Variants in EPHB1 observed in about 807,000 individuals in gnomAD.
EPHB1 encodes ephrin type-B receptor 1.
EPHB1 carries 30 observed loss-of-function variants against 94.4 expected under a neutral mutation model. The observed-to-expected ratio is 0.32, with a 90% CI of 0.24 to 0.43. The LOEUF (loss-of-function observed/expected upper bound fraction) is 0.43, where lower values mean the gene tolerates loss of function less well. EPHB1 is among the 20% of genes least tolerant of loss of function. The pLI is 1.00. For synonymous variants in EPHB1, 522 were observed against 489.1 expected (o/e 1.07, Z -0.89); for missense variants, 1,055 against 1,308.3 (o/e 0.81, Z 2.99).
chr3:134,925,560 C>T (rs933794598), intron 1 of EPHB1, among the ~76,000 whole-genome samples: 2 of 152,024 alleles, frequency 1.3e-5, no homozygotes, highest in African/African-American at 2.4e-5. Context: ...TTGGGGTCAC[C>T]GGGGAGAGAG....
At chr3:135,190,739 G>A (rs967251660) in intron 10 of EPHB1, among the ~76,000 whole-genome samples, 3 of 152,162 alleles carry the variant, frequency 2.0e-5, no homozygotes, top group African/African-American at 7.2e-5. Flanking sequence ...TCTGGATAAA[G>A]CAGAGATAAG....
intron 12 of EPHB1, among the ~76,000 whole-genome samples, chr3:135,205,542 T>C (rs1160733814): frequency 6.6e-6 from 1 of 152,248 alleles, no homozygotes; most frequent in African/African-American, 2.4e-5. Context: ...TGGGCTATTT[T>C]ATTGGGAAGG....
intron 3 of EPHB1, among the ~76,000 whole-genome samples, chr3:134,962,439 T>C (rs1933556707): frequency 6.6e-6 from 1 of 152,198 alleles, no homozygotes; most frequent in Non-Finnish European, 1.5e-5. Context: ...CTCCCACCGA[T>C]TTTGGCACTT....
chr3:134,995,188 T>C (rs928981594), intron 3 of EPHB1, among the ~76,000 whole-genome samples: 1 of 152,216 alleles, frequency 6.6e-6, no homozygotes, highest in Non-Finnish European at 1.5e-5. Context: ...TTGATCTCTA[T>C]AATTTTGTCA....
At chr3:134,865,452 A>G (rs1485098126) in intron 1 of EPHB1, among the ~76,000 whole-genome samples, 3 of 152,200 alleles carry the variant, frequency 2.0e-5, no homozygotes, top group Non-Finnish European at 1.5e-5. Flanking sequence ...TTACAAATAC[A>G]TATACCCGTT....
At chr3:134,929,448 A>T (rs970468172) in intron 2 of EPHB1, among the ~76,000 whole-genome samples, 1 of 152,172 alleles carries the variant, frequency 6.6e-6, no homozygotes, top group African/African-American at 2.4e-5. Flanking sequence ...ACGGGTGAGG[A>T]TCCTGATCTA....
chr3:135,192,717 T>G lies in EPHB1; in HGVS notation c.2024T>G (p.Phe675Cys). Residue 675 changes from phenylalanine to cysteine, a missense_variant, in exon 11 of 16, where the codon TTC becomes TGC. Physicochemically the swap from Phe to Cys is radical, Grantham distance 205. Coordinates refer to ENST00000398015, the MANE Select transcript of EPHB1 (RefSeq NM_004441.5). ...FLSEASIMGQ[F>C]DHPNIIRLEG... ...AGTGAGGCGAGCATCATGGGCCAGT[T>G]CGACCATCCTAACATCATTCGCCTG... The G allele has an allele frequency of 1.2e-6, 2 of 1,614,084 alleles. No homozygotes were observed. The highest frequency in any genetic ancestry group is 1.7e-6 in the Non-Finnish European group (2 of 1,180,014).
At chr3:134,837,546 C>T (rs2036694456) in intron 1 of EPHB1, among the ~76,000 whole-genome samples, 1 of 152,160 alleles carries the variant, frequency 6.6e-6, no homozygotes. Flanking sequence ...GGGGCAACTA[C>T]ACCTTGTTGG....
chr3:135,224,585 C>T (rs1943350683), intron 12 of EPHB1, among the ~76,000 whole-genome samples: 1 of 152,176 alleles, frequency 6.6e-6, no homozygotes, highest in South Asian at 2.1e-4. Context: ...TAGCAATCTA[C>T]AGGAAAATAA....
At chr3:134,817,779 T>A (rs1409590120) in intron 1 of EPHB1, among the ~76,000 whole-genome samples, 1 of 152,214 alleles carries the variant, frequency 6.6e-6, no homozygotes, top group Non-Finnish European at 1.5e-5. Flanking sequence ...GTTCTTATAA[T>A]GGTGGTTACG....
At chr3:135,202,575 T>C (rs919254986) in intron 12 of EPHB1, among the ~76,000 whole-genome samples, 7 of 152,208 alleles carry the variant, frequency 4.6e-5, no homozygotes, top group African/African-American at 1.4e-4. Context: ...GCACCCAAAG[T>C]GACTGATCTA....
chr3:134,945,630 A>G (rs1228012815), intron 2 of EPHB1, among the ~76,000 whole-genome samples: 1 of 152,194 alleles, frequency 6.6e-6, no homozygotes, highest in Non-Finnish European at 1.5e-5. Context: ...CCTTCTTACC[A>G]AGACTTGACA....
At chr3:135,178,223 GA>G (rs1396039179) in intron 9 of EPHB1, among the ~76,000 whole-genome samples, 3 of 124,080 alleles carry the variant, frequency 2.4e-5, no homozygotes, top group Non-Finnish European at 3.5e-5. Flanking sequence ...GGAGGCCGGG[GA>G]GGGGGGGTGG....
intron 3 of EPHB1, among the ~76,000 whole-genome samples, chr3:135,014,730 G>C (rs1458683997): frequency 6.6e-6 from 1 of 152,190 alleles, no homozygotes; most frequent in African/African-American, 2.4e-5. Context: ...CCTGATGAGA[G>C]CATGTGTCAT....
At chr3:135,051,022 CCCAA>C in intron 3 of EPHB1, among the ~76,000 whole-genome samples, 1 of 152,178 alleles carries the variant, frequency 6.6e-6, no homozygotes, top group South Asian at 2.1e-4. Context: ...GAGAGGGGCA[CCCAA>C]GTGGGTCTTC....
intron 3 of EPHB1, among the ~76,000 whole-genome samples, chr3:135,007,403 G>A (rs1227333092): frequency 6.6e-6 from 1 of 152,148 alleles, no homozygotes; most frequent in Non-Finnish European, 1.5e-5. Flanking sequence ...GTAGTTCTTA[G>A]GCCAATTACC....
intron 11 of EPHB1, among the ~76,000 whole-genome samples, chr3:135,199,284 G>T (rs1227737054): frequency 6.6e-6 from 1 of 152,128 alleles, no homozygotes; most frequent in Non-Finnish European, 1.5e-5. Context: ...TATAGAAATT[G>T]CATGACAACT....
chr3:134,951,859 A>G lies in EPHB1; in HGVS notation c.612A>G (p.Ala204=), dbSNP rs531123008. The part of the protein sequence containing the change: ...KKCPSIVQNF[A]VFPETMTGAE... ...GTCCCAGCATTGTGCAAAATTTTGC[A>G]GTGTTTCCAGAGACTATGACAGGGG... is the stretch of plus-strand genomic sequence containing the variant. The change falls in exon 3 of 16, where the codon GCA becomes GCG. Residue 204 remains alanine (A), a synonymous_variant. Transcript: ENST00000398015. This position sits in a 1 kb window ranked among gnomAD's most constrained non-coding sequence, Gnocchi z 4.5. 3 of 1,614,008 alleles carry G rather than the reference A, an allele frequency of 1.9e-6. No individual in the cohort carries two copies. In the South Asian group the frequency reaches 3.3e-5, roughly 18 times the overall value.
At chr3:135,139,253 C>T (rs1940730664) in intron 5 of EPHB1, among the ~76,000 whole-genome samples, 1 of 152,168 alleles carries the variant, frequency 6.6e-6, no homozygotes, top group African/African-American at 2.4e-5. Flanking sequence ...ACTGTGGCTC[C>T]TTGCAGGAAA....
Sources: allele counts gnomAD v4.1 joint callset (sites outside exome capture counted in the v4.1 genomes callset), GRCh38; gene constraint gnomAD v4.1.1; non-coding constraint Gnocchi (gnomAD v3.1); transcripts MANE v1.5; gene names NCBI Gene and HGNC (gene_info 2026-07-23, HGNC 2026-07-21).